POC1A: variants seen among roughly 807,000 people sequenced by gnomAD.
The protein encoded by POC1A is POC1 centriolar protein A.
Under a neutral mutation model 47.8 loss-of-function variants are expected in POC1A, and 34 were observed. That is an observed-to-expected ratio of 0.71 (90% CI 0.54 to 0.95). The LOEUF (loss-of-function observed/expected upper bound fraction) is 0.95. Among genes scored for constraint, POC1A ranks in the 40% least tolerant of loss-of-function variants. POC1A has a pLI of 0.00. For synonymous variants in POC1A, 177 were observed against 207.6 expected (o/e 0.85, Z 1.27); for missense variants, 466 against 528.3 (o/e 0.88, Z 1.16).
At chr3:52,119,661 G>T (rs530277516) in intron 9 of POC1A, among the ~76,000 whole-genome samples, 1 of 152,252 alleles carries the variant, frequency 6.6e-6, no homozygotes, top group African/African-American at 2.4e-5. Context: ...CTCTCAAAGT[G>T]CTGAGATTAC....
intron 7 of POC1A, among the ~76,000 whole-genome samples, chr3:52,137,863 A>G (rs1189905966): frequency 1.3e-5 from 2 of 152,214 alleles, no homozygotes; most frequent in African/African-American, 4.8e-5. Context: ...CCAAGGCTCA[A>G]CTCAACCTCT....
intron 9 of POC1A, among the ~76,000 whole-genome samples, chr3:52,107,010 G>C (rs895274637): frequency 1.3e-5 from 2 of 152,258 alleles, no homozygotes; most frequent in African/African-American, 2.4e-5. Context: ...AAGTTGATCT[G>C]AGAGGTCTAT....
chr3:52,131,145 T>C (rs1704197163), intron 7 of POC1A, among the ~76,000 whole-genome samples: 1 of 147,494 alleles, frequency 6.8e-6, no homozygotes, highest in African/African-American at 2.5e-5. Flanking sequence ...CCCACCATCC[T>C]CTCCCAAATA....
intron 9 of POC1A, among the ~76,000 whole-genome samples, chr3:52,112,667 A>G (rs528831607): frequency 6.6e-6 from 1 of 152,200 alleles, no homozygotes; most frequent in African/African-American, 2.4e-5. Context: ...CAAGCAAACA[A>G]ACAAACACAC....
At chr3:52,114,095 T>G (rs1703475708) in intron 9 of POC1A, among the ~76,000 whole-genome samples, 1 of 152,234 alleles carries the variant, frequency 6.6e-6, no homozygotes, top group Non-Finnish European at 1.5e-5. Context: ...CAGCCTCTGC[T>G]CAGACCAGCA....
intron 10 of POC1A, among the ~76,000 whole-genome samples, chr3:52,095,700 C>A (rs552329950): frequency 6.6e-6 from 1 of 152,324 alleles, no homozygotes; most frequent in African/African-American, 2.4e-5. Context: ...CCTTGCCCCC[C>A]ACCCCAAGAC....
chr3:52,089,683 C>T (rs1441503369), intron 10 of POC1A, among the ~76,000 whole-genome samples: 2 of 152,310 alleles, frequency 1.3e-5, no homozygotes, highest in African/African-American at 4.8e-5. Flanking sequence ...CATGGGAAGA[C>T]GCACTGGGTG....
In POC1A at chr3:52,096,705, A is replaced by T; in HGVS notation, c.989T>A (p.Val330Glu). The T allele has an allele frequency of 6.3e-7, 1 of 1,584,110 alleles. No homozygotes were observed. The highest frequency in any genetic ancestry group is 8.5e-7 in the Non-Finnish European group (1 of 1,169,958). Residue 330 changes from valine (V) to glutamate (E), a missense_variant, in exon 10 of 11, where the codon GTG becomes GAG. Transcript: ENST00000296484. The stretch of plus-strand genomic sequence containing the variant: ...TCTGCCTGGGGGGACAGGGAAGTCC[A>T]CTTCTGGCTAAAGACAGAAAGAAAA... ...LASSMGNLPEVDFPVPPGRGR... is the reference protein window; with the variant it reads ...LASSMGNLPEEDFPVPPGRGR...
chr3:52,096,584 C>T lies in POC1A; in HGVS notation c.1110G>A (p.Leu370=), dbSNP rs1379011634. The T allele has an allele frequency of 1.3e-6, 2 of 1,584,004 alleles. No homozygotes were observed. Among genetic ancestry groups the T allele is most frequent in the South Asian group, 1.2e-5 (1 of 86,540 alleles). The change falls in exon 10 of 11, where the codon CTG becomes CTA. Residue 370 remains leucine, a synonymous_variant. Transcript: ENST00000296484. ...TSTLEHIVGQ[L]DVLTQTVSIL... is the part of the protein sequence containing the mutation. The stretch of plus-strand genomic sequence containing the variant: ...TGTGGCCTACCTGAGTGAGGACATC[C>T]AGCTGGCCCACAATGTGCTCCAGCG...
At chr3:52,143,452 C>T (rs1213390788) in intron 6 of POC1A, among the ~76,000 whole-genome samples, 1 of 152,178 alleles carries the variant, frequency 6.6e-6, no homozygotes, top group African/African-American at 2.4e-5. Flanking sequence ...CTCTCCTTCA[C>T]TCCCCAGCCT....
intron 9 of POC1A, among the ~76,000 whole-genome samples, chr3:52,112,886 C>T (rs1349589508): frequency 3.9e-5 from 6 of 152,182 alleles, no homozygotes; most frequent in Admixed American, 3.9e-4. Flanking sequence ...TTCCAAAAGA[C>T]CAGTGGTTCT....
chr3:52,134,509 G>A (rs1396676563), intron 7 of POC1A, among the ~76,000 whole-genome samples: 5 of 152,048 alleles, frequency 3.3e-5, no homozygotes, highest in Non-Finnish European at 7.4e-5. Flanking sequence ...GCGGGTGCCT[G>A]TAATCCCAGC....
At chr3:52,088,138 G>A (rs1460352177) in intron 10 of POC1A, among the ~76,000 whole-genome samples, 1 of 152,170 alleles carries the variant, frequency 6.6e-6, no homozygotes, top group Non-Finnish European at 1.5e-5. Flanking sequence ...TTGATAGCTT[G>A]CTGGAGGCCT....
chr3:52,081,085 A>G (rs1438452509), intron 10 of POC1A, among the ~76,000 whole-genome samples: 2 of 152,238 alleles, frequency 1.3e-5, no homozygotes, highest in African/African-American at 4.8e-5. Flanking sequence ...AATTTCCTGG[A>G]AGCCATGGCC....
At chr3:52,078,659 C>T (rs948361872) in intron 10 of POC1A, among the ~76,000 whole-genome samples, 5 of 152,066 alleles carry the variant, frequency 3.3e-5, no homozygotes, top group African/African-American at 9.6e-5. Flanking sequence ...TACAGGCACC[C>T]GCCACTGCGC....
At chr3:52,097,891 C>T (rs1006269670) in intron 9 of POC1A, among the ~76,000 whole-genome samples, 2 of 152,208 alleles carry the variant, frequency 1.3e-5, no homozygotes, top group African/African-American at 4.8e-5. Context: ...CAGGAATCAA[C>T]GTGCTTCAGA....
chr3:52,105,428 T>C (rs1301625152), intron 9 of POC1A, among the ~76,000 whole-genome samples: 1 of 152,228 alleles, frequency 6.6e-6, no homozygotes, highest in Non-Finnish European at 1.5e-5. Flanking sequence ...TCATGAAAAG[T>C]TGACAGGCAG....
At chr3:52,121,604 G>T (rs1270290906) in intron 9 of POC1A, among the ~76,000 whole-genome samples, 1 of 152,134 alleles carries the variant, frequency 6.6e-6, no homozygotes, top group African/African-American at 2.4e-5. Flanking sequence ...GCCTTGACTC[G>T]CTGGAGGCCT....
At chr3:52,097,420 C>T (rs1299229206) in intron 9 of POC1A, among the ~76,000 whole-genome samples, 1 of 152,224 alleles carries the variant, frequency 6.6e-6, no homozygotes, top group Non-Finnish European at 1.5e-5. Context: ...AGTGTTTCTG[C>T]GTAAGGCCCT....
Sources: allele counts gnomAD v4.1 joint callset (sites outside exome capture counted in the v4.1 genomes callset), GRCh38; gene constraint gnomAD v4.1.1; transcripts MANE v1.5; gene names NCBI Gene and HGNC (gene_info 2026-07-23, HGNC 2026-07-21).